The following REV3L variants were observed in gnomAD, a reference collection of about 807,000 sequenced individuals.
The protein encoded by REV3L is DNA polymerase zeta catalytic subunit.
Under a neutral mutation model 299.4 loss-of-function variants are expected in REV3L, and 69 were observed. The observed-to-expected ratio is 0.23, with a 90% confidence interval of 0.19 to 0.28. The LOEUF (loss-of-function observed/expected upper bound fraction) is 0.28. Among genes scored for constraint, REV3L ranks in the 10% least tolerant of loss-of-function variants. The probability of loss-of-function intolerance (pLI) is 1.00; values close to 1 mark genes in which losing one functional copy is unlikely to be tolerated. For synonymous variants in REV3L, 1,238 were observed against 1,271.4 expected (o/e 0.97, Z 0.56); for missense variants, 3,128 against 3,693.8 (o/e 0.85, Z 3.97).
At chr6:111,407,532 A>C (rs1021894777) in intron 3 of REV3L, among the ~76,000 whole-genome samples, 3 of 152,258 alleles carry the variant, frequency 2.0e-5, no homozygotes, top group African/African-American at 7.2e-5. Context: ...CATCACCATG[A>C]GGTCAAAAAG....
At chr6:111,342,543 C>T (rs960955651) in intron 21 of REV3L, among the ~76,000 whole-genome samples, 1 of 151,968 alleles carries the variant, frequency 6.6e-6, no homozygotes, top group African/African-American at 2.4e-5. Context: ...TGGCGGGCGC[C>T]TGTAGTCCCA....
At chr6:111,372,231 AG>A (rs1435615764) in intron 13 of REV3L, among the ~76,000 whole-genome samples, 12 of 152,312 alleles carry the variant, frequency 7.9e-5, no homozygotes, top group African/African-American at 2.6e-4. Context: ...ATGGTATAAA[AG>A]TTTAACATTT....
chr6:111,411,983 G>A (rs1459101072), intron 2 of REV3L: 8 of 985,084 alleles, frequency 8.1e-6, no homozygotes, highest in Non-Finnish European at 8.4e-6. Context: ...GCCTTCTTCT[G>A]GCTCCCATTT....
chr6:111,337,247 T>A (rs917761666), intron 21 of REV3L, among the ~76,000 whole-genome samples: 4 of 152,164 alleles, frequency 2.6e-5, no homozygotes, highest in Non-Finnish European at 1.5e-5. Context: ...AATGGGTAAA[T>A]TGTATGATAT....
At chr6:111,355,726 A>C (rs1778019272) in intron 18 of REV3L, among the ~76,000 whole-genome samples, 1 of 152,162 alleles carries the variant, frequency 6.6e-6, no homozygotes, top group African/African-American at 2.4e-5. Flanking sequence ...ATGTGCTGGT[A>C]CACAAAATAG....
intron 7 of REV3L, among the ~76,000 whole-genome samples, chr6:111,388,304 CTATAAT>C (rs1411264960): frequency 6.6e-6 from 1 of 151,964 alleles, no homozygotes; most frequent in African/African-American, 2.4e-5. Flanking sequence ...AGATTAAGTT[CTATAAT>C]TATAATCTAA....
At chr6:111,434,357 G>C (rs1787294959) in intron 1 of REV3L, among the ~76,000 whole-genome samples, 1 of 152,128 alleles carries the variant, frequency 6.6e-6, no homozygotes, top group South Asian at 2.1e-4. Context: ...GCTCATGCCT[G>C]TAATCCCAGC....
chr6:111,438,550 C>G (rs1181119152), intron 1 of REV3L, among the ~76,000 whole-genome samples: 1 of 145,020 alleles, frequency 6.9e-6, no homozygotes, highest in Non-Finnish European at 1.5e-5. Flanking sequence ...AAAAAATAAA[C>G]TAACAAGAAA....
intron 21 of REV3L, among the ~76,000 whole-genome samples, chr6:111,343,477 A>C (rs1776723076): frequency 6.6e-6 from 1 of 152,228 alleles, no homozygotes; most frequent in African/African-American, 2.4e-5. Context: ...GATTGGAGTA[A>C]TGAGTACAAG....
chr6:111,446,530 C>A (rs527648578), intron 1 of REV3L, among the ~76,000 whole-genome samples: 2 of 152,164 alleles, frequency 1.3e-5, no homozygotes, highest in Admixed American at 6.5e-5. Context: ...AAGGTGAAAC[C>A]CCATTTCTAC....
chr6:111,443,561 C>T (rs748708920), intron 1 of REV3L, among the ~76,000 whole-genome samples: 2 of 152,152 alleles, frequency 1.3e-5, no homozygotes, highest in Non-Finnish European at 2.9e-5. Flanking sequence ...TTTGTTAGTG[C>T]AGGTCCAGGA....
chr6:111,390,148 C>T lies in REV3L; in HGVS notation c.695G>A (p.Ser232Asn). The T allele has an allele frequency of 6.2e-7, 1 of 1,609,662 alleles. No homozygotes were observed. Among genetic ancestry groups the T allele is most frequent in the South Asian group, 1.1e-5 (1 of 90,940 alleles). Residue 232 changes from serine to asparagine, a missense_variant, in exon 6 of 32, where the codon AGT (serine) becomes AAT (asparagine). By Grantham distance (46) the Ser-to-Asn change is conservative (BLOSUM62 1). Coordinates refer to ENST00000368802, the MANE Select transcript of REV3L (RefSeq NM_001372078.1). ...SLILEGVEPQ[S>N]TCELEVDAVA... ...AGCATCCACTTCTAATTCACATGTA[C>T]TCTGTGGTTCAACACCTTCCAATAT... is the stretch of plus-strand genomic sequence containing the variant.
chr6:111,482,012 T>G (rs1426309110), intron 1 of REV3L, among the ~76,000 whole-genome samples: 1 of 152,094 alleles, frequency 6.6e-6, no homozygotes, highest in Non-Finnish European at 1.5e-5. Context: ...TTCACCCCAT[T>G]AAGTGTGATG....
Position 111,376,769 on chromosome 6 carries a change from A to C in REV3L, c.1598-12T>G, listed in dbSNP as rs767929542. 1 of 1,519,796 alleles carries C rather than the reference A, an allele frequency of 6.6e-7. No homozygotes were observed. The highest frequency in any genetic ancestry group is 1.3e-5 in the South Asian group (1 of 76,628). The allele number at this position is 1,519,796 out of a possible 1,614,324, so 94.1% of individuals were successfully genotyped here. Reference sequence around the variant, plus strand: ...GTTCAATGGATTGTCTGAAATGAGGAGGGAAAAACAGTTTATTTCATTTTA... The same window carrying C: ...GTTCAATGGATTGTCTGAAATGAGGCGGGAAAAACAGTTTATTTCATTTTA... On this transcript the variant is annotated splice_polypyrimidine_tract_variant and intron_variant, in intron 12 of 31. Transcript: ENST00000368802.
In REV3L at chr6:111,375,146, A is replaced by C. The variant is rs1180157486; in HGVS notation, c.3209T>G (p.Ile1070Ser). ...GKQQRTNNEN[I>S]KRTLSFRKKR... Reference sequence around the variant, plus strand: ...TTTCCTGAAAGACAAAGTTCTTTTAATATTTTCATTATTTGTCCTTTGTTG... The same window carrying C: ...TTTCCTGAAAGACAAAGTTCTTTTACTATTTTCATTATTTGTCCTTTGTTG... The change falls in exon 13 of 32, where the codon ATT (isoleucine) becomes AGT (serine). Residue 1070 changes from isoleucine to serine, a missense_variant. By Grantham distance (142) the Ile-to-Ser change is moderately radical. Around this residue, in one of 9 missense-constraint regions of REV3L, gnomAD observed 2,409 missense variants for 2,611.8 expected, o/e 0.92. Transcript: ENST00000368802. The C allele has an allele frequency of 6.2e-7, 1 of 1,608,040 alleles. No homozygotes were observed. The highest frequency in any genetic ancestry group is 1.1e-5 in the South Asian group (1 of 89,038).
At chr6:111,431,489 G>T in intron 1 of REV3L, 1 of 996,240 alleles carries the variant, frequency 1.0e-6, no homozygotes, top group South Asian at 1.3e-5. Flanking sequence ...TGCTCAGGGA[G>T]CTAGCTCCAG....
At chr6:111,331,440 T>C (rs1164624358) in intron 24 of REV3L, among the ~76,000 whole-genome samples, 3 of 152,240 alleles carry the variant, frequency 2.0e-5, no homozygotes, top group Non-Finnish European at 4.4e-5. Context: ...AATATTTCGT[T>C]AACTAAAATT....
chr6:111,448,343 TTTC>T (rs1277359351), intron 1 of REV3L, among the ~76,000 whole-genome samples: 1 of 152,142 alleles, frequency 6.6e-6, no homozygotes, highest in Non-Finnish European at 1.5e-5. Flanking sequence ...TTTTTTTTCT[TTTC>T]TTTTTTTTTT....
rs540559324 is a variant in REV3L, at chr6:111,369,039, T to G, written c.5760-1011A>C. Among the ~76,000 whole-genome samples the G allele has an allele frequency of 6.6e-5, 10 of 152,176 alleles. No individual in the cohort carries two copies. In the South Asian group the frequency reaches 2.1e-3, roughly 32 times the overall value. ...CCAGCACTGTCCCTGCATCCACTCT[T>G]GGCAATGTGAAAAAACAGAAACAGA... On this transcript the variant is annotated intron_variant, in intron 13 of 31. Coordinates refer to ENST00000368802, the MANE Select transcript of REV3L (RefSeq NM_001372078.1).
Sources: allele counts gnomAD v4.1 joint callset (sites outside exome capture counted in the v4.1 genomes callset), GRCh38; gene constraint gnomAD v4.1.1; regional missense constraint gnomAD v4.1.1; transcripts MANE v1.5; gene names NCBI Gene and HGNC (gene_info 2026-07-23, HGNC 2026-07-21).